Variants in DNAH6 observed in about 807,000 individuals in gnomAD.
DNAH6 encodes axonemal beta dynein heavy chain 6.
Under a neutral mutation model 491.4 loss-of-function variants are expected in DNAH6, and 340 were observed. The ratio of observed to expected loss-of-function variants is 0.69; its 90% confidence interval spans 0.63 to 0.76. DNAH6 has a LOEUF of 0.76. DNAH6 is among the 30% of genes least tolerant of loss of function. The pLI is 0.00. For missense variants in DNAH6, 4,443 were observed against 4,972.2 expected (o/e 0.89, Z 3.20); for synonymous variants, 1,603 against 1,686.1 (o/e 0.95, Z 1.21).
At chr2:84,770,983 C>A (rs1370846983) in intron 64 of DNAH6, among the ~76,000 whole-genome samples, 1 of 148,548 alleles carries the variant, frequency 6.7e-6, no homozygotes, top group East Asian at 2.0e-4. Context: ...GAGCAAGATC[C>A]TCTGTCAAAA....
intron 22 of DNAH6, among the ~76,000 whole-genome samples, chr2:84,615,675 A>G (rs898830717): frequency 6.6e-6 from 1 of 151,922 alleles, no homozygotes; most frequent in Admixed American, 6.6e-5. Flanking sequence ...TGAACATAGG[A>G]TGTGTTTCCA....
intron 22 of DNAH6, among the ~76,000 whole-genome samples, chr2:84,616,662 C>A (rs1267576670): frequency 6.6e-6 from 1 of 152,028 alleles, no homozygotes; most frequent in Admixed American, 6.6e-5. Flanking sequence ...AAACTGTCAG[C>A]TTTTGCTGAT....
intron 18 of DNAH6, among the ~76,000 whole-genome samples, chr2:84,601,001 TAC>T (rs1685158023): frequency 1.4e-5 from 2 of 138,208 alleles, no homozygotes; most frequent in African/African-American, 6.2e-5. Context: ...AATAATAATA[TAC>T]TATAATAATA....
chr2:84,786,206 G>A (rs11693624), intron 67 of DNAH6, among the ~76,000 whole-genome samples: 1 of 151,964 alleles, frequency 6.6e-6, no homozygotes, highest in African/African-American at 2.4e-5. Flanking sequence ...TGGGCAATTC[G>A]CTTGAGCCCA....
chr2:84,794,239 G>A (rs1678081190), intron 68 of DNAH6, among the ~76,000 whole-genome samples: 1 of 152,156 alleles, frequency 6.6e-6, no homozygotes, highest in South Asian at 2.1e-4. Flanking sequence ...AGAAAACCTA[G>A]GCATTACCAT....
At chr2:84,471,173 C>T in the DNAH6 span, among the ~76,000 whole-genome samples, 1 of 152,192 alleles carries the variant, frequency 6.6e-6, no homozygotes. Flanking sequence ...TTTTTCCCAA[C>T]ATGCTCCCCT....
chr2:84,688,929 A>G (rs1003338617), intron 45 of DNAH6, among the ~76,000 whole-genome samples: 3 of 152,236 alleles, frequency 2.0e-5, no homozygotes, highest in Non-Finnish European at 4.4e-5. Flanking sequence ...GCCTAAAGAA[A>G]GAGGAGCTTC....
intron 31 of DNAH6, among the ~76,000 whole-genome samples, chr2:84,639,989 T>C (rs1689235926): frequency 6.6e-6 from 1 of 152,196 alleles, no homozygotes; most frequent in African/African-American, 2.4e-5. Flanking sequence ...CTGACAATCT[T>C]TGCATGGCTT....
At chr2:84,792,202 A>T (rs954267949) in intron 68 of DNAH6, among the ~76,000 whole-genome samples, 3 of 152,210 alleles carry the variant, frequency 2.0e-5, no homozygotes, top group Admixed American at 6.5e-5. Context: ...AGACAAGAGA[A>T]TGGTGGGTAT....
At chr2:84,532,817 G>A (rs555734369) in intron 4 of DNAH6, among the ~76,000 whole-genome samples, 1 of 152,178 alleles carries the variant, frequency 6.6e-6, no homozygotes, top group South Asian at 2.1e-4. Context: ...TCATGCTATT[G>A]ATGAAGCACC....
At chr2:84,626,513 C>G (rs976421319) in intron 29 of DNAH6, among the ~76,000 whole-genome samples, 1 of 152,078 alleles carries the variant, frequency 6.6e-6, no homozygotes, top group Non-Finnish European at 1.5e-5. Context: ...ATCACAAACC[C>G]CTGCCATTCA....
At chr2:84,590,851 A>G (rs1684050107) in intron 16 of DNAH6, among the ~76,000 whole-genome samples, 1 of 152,178 alleles carries the variant, frequency 6.6e-6, no homozygotes, top group Admixed American at 6.5e-5. Context: ...GATGGAATAC[A>G]TGGCATTCTG....
At chr2:84,492,812 G>A in the DNAH6 span, among the ~76,000 whole-genome samples, 110 of 152,144 alleles carry the variant, frequency 7.2e-4, no homozygotes, top group African/African-American at 2.5e-3. Flanking sequence ...ACAATTTCTG[G>A]AGTCTTTCTA....
At chr2:84,580,269 A>T (rs1273006597) in intron 14 of DNAH6, among the ~76,000 whole-genome samples, 4 of 151,910 alleles carry the variant, frequency 2.6e-5, no homozygotes, top group African/African-American at 9.7e-5. Flanking sequence ...AATGATGCAG[A>T]TGGAATCAGG....
chr2:84,653,039 G>A (rs1690601406), intron 33 of DNAH6, among the ~76,000 whole-genome samples: 1 of 151,784 alleles, frequency 6.6e-6, no homozygotes, highest in South Asian at 2.1e-4. Context: ...TGTACTGTGG[G>A]AAATACAGAA....
intron 37 of DNAH6, 140 bp from the exon 38 acceptor site, chr2:84,669,149 A>G (rs1692471051): frequency 6.1e-6 from 4 of 650,802 alleles, no homozygotes; most frequent in Admixed American, 2.7e-5. Context: ...TACCTAAATA[A>G]CTATGTATCT....
chr2:84,506,747 GGTGTAAGGAAGGGATCCAGTTTCA>G, the DNAH6 span, among the ~76,000 whole-genome samples: 2 of 152,084 alleles, frequency 1.3e-5, no homozygotes, highest in Admixed American at 1.3e-4. Flanking sequence ...TTTTGTATAA[GGTGTAAGGAAGGGATCCAGTTTCA>G]GCTTTCTACA....
At chr2:84,500,132 C>T in the DNAH6 span, among the ~76,000 whole-genome samples, 2 of 152,104 alleles carry the variant, frequency 1.3e-5, no homozygotes, top group Non-Finnish European at 2.9e-5. Flanking sequence ...AGATTTTCCC[C>T]AATGCTTTCT....
intron 63 of DNAH6, among the ~76,000 whole-genome samples, chr2:84,746,322 T>A (rs927847277): frequency 6.6e-6 from 1 of 151,160 alleles, no homozygotes; most frequent in Non-Finnish European, 1.5e-5. Flanking sequence ...TGCCACCAAC[T>A]TTTAAAAGGC....
Sources: allele counts gnomAD v4.1 joint callset (sites outside exome capture counted in the v4.1 genomes callset), GRCh38; gene constraint gnomAD v4.1.1; transcripts MANE v1.5; gene names NCBI Gene and HGNC (gene_info 2026-07-23, HGNC 2026-07-21).